BCAS3: variants seen among roughly 807,000 people sequenced by gnomAD.
The protein encoded by BCAS3 is BCAS4/BCAS3 fusion.
A neutral mutation model predicts 116.1 loss-of-function variants in BCAS3; 53 were observed. That is an observed-to-expected ratio of 0.46 (90% CI 0.37 to 0.57). BCAS3 has a LOEUF of 0.57. Ranked by LOEUF, BCAS3 falls within the 20% of genes least tolerant of loss-of-function variation. BCAS3 has a pLI of 0.00. For synonymous variants in BCAS3, 391 were observed against 408.2 expected (o/e 0.96, Z 0.51); for missense variants, 917 against 1,165.4 (o/e 0.79, Z 3.10).
At chr17:60,804,793 T>G (rs1032205853) in intron 6 of BCAS3, among the ~76,000 whole-genome samples, 6 of 152,132 alleles carry the variant, frequency 3.9e-5, no homozygotes, top group Non-Finnish European at 8.8e-5. Context: ...TGTGAGAAAA[T>G]TTAATCAAAT....
At chr17:60,978,000 C>G (rs866317781) in intron 14 of BCAS3, among the ~76,000 whole-genome samples, 2 of 140,588 alleles carry the variant, frequency 1.4e-5, no homozygotes, top group South Asian at 2.1e-4. Flanking sequence ...GATTTATAGT[C>G]CTTTGGGTAT....
chr17:60,731,527 C>T lies in BCAS3; in HGVS notation c.322-15671C>T, dbSNP rs2040453850. ...TTAATGTGTATATTTAAATGGGTTA[C>T]GTGAGGTGTTTTTGTTGCTTTAGGA... is the stretch of plus-strand genomic sequence containing the variant. On this transcript the variant is annotated intron_variant, in intron 5 of 23. Transcript: ENST00000407086. 2.0e-5 allele frequency among the ~76,000 whole-genome samples: 3 copies of T among 151,992 alleles called. 1 individual carries two copies. The highest frequency in any genetic ancestry group is 4.8e-5 in the African/African-American group (2 of 41,400).
At chr17:61,288,233 G>A (rs928225458) in intron 22 of BCAS3, among the ~76,000 whole-genome samples, 1 of 152,204 alleles carries the variant, frequency 6.6e-6, no homozygotes, top group Non-Finnish European at 1.5e-5. Context: ...GTCTTTGATG[G>A]CTTGCTGTGC....
rs1369304976 is a variant in BCAS3 at position 61,145,020 on chromosome 17, C to CTG, written c.2425+60458_2425+60459dup. Among the ~76,000 whole-genome samples, 37 of 152,332 alleles carry CTG rather than the reference C, an allele frequency of 2.4e-4. No individual in the cohort carries two copies. Among genetic ancestry groups the CTG allele is most frequent in the African/African-American group, 8.9e-4 (37 of 41,584 alleles). On this transcript the variant is annotated intron_variant, in intron 22 of 23. Transcript: ENST00000407086. This position sits in a 1 kb window ranked among gnomAD's most constrained non-coding sequence, Gnocchi z 5.0. ...GAAATATTCATTTAGACCATAACAA[C>CTG]TGTTAGAACAAGATAACAACTCCAG...
rs1294715982 is a variant in BCAS3, at chr17:61,382,260, T to C, written c.2594-9717T>C. Among the ~76,000 whole-genome samples, 11 of 122,356 alleles carry C rather than the reference T, an allele frequency of 9.0e-5. No homozygotes were observed. The East Asian group carries it at 2.5e-3, about 28-fold the overall frequency. 80.3% of individuals were successfully genotyped at this position (122,356 alleles called of 152,430 possible). On this transcript the variant is annotated intron_variant, in intron 23 of 23. Transcript: ENST00000407086. ...GGAGAATCAGTTTTTGTTTTTTGGC[T>C]TTTTTTTTTCTTTTTTTGAGACAGA... is the stretch of plus-strand genomic sequence containing the variant.
chr17:60,814,310 C>CGCGCGT (rs1555731519), intron 7 of BCAS3, among the ~76,000 whole-genome samples: 64 of 135,726 alleles, frequency 4.7e-4, no homozygotes, highest in African/African-American at 2.0e-3. Context: ...TGTGTGTGCG[C>CGCGCGT]GCGTGCCCAT....
In BCAS3 at chr17:60,848,575, T is replaced by C. The variant is rs187204060; in HGVS notation, c.477-20001T>C. The stretch of plus-strand genomic sequence containing the variant: ...TTTGCGTAGATCTTTCAGTACAGTG[T>C]TGAATAATAGTGGGCATCCTTGTCT... On this transcript the variant is annotated intron_variant, in intron 7 of 23. Coordinates refer to ENST00000407086, the MANE Select transcript of BCAS3 (RefSeq NM_017679.5). Among the ~76,000 whole-genome samples, 255 of 152,328 alleles carry C rather than the reference T, an allele frequency of 1.7e-3. 1 individual carries two copies. Among genetic ancestry groups the C allele is most frequent in the African/African-American group, 5.8e-3 (242 of 41,566 alleles).
chr17:61,012,043 C>A lies in BCAS3; in HGVS notation c.1487-3708C>A, dbSNP rs2065148582. The stretch of plus-strand genomic sequence containing the variant: ...TCCTTTATGCTCAAAATTTGTATAC[C>A]TTTTCTCCCTTTTTAAGTTGTCCTT... On this transcript the variant is annotated intron_variant, in intron 15 of 23. Coordinates refer to ENST00000407086, the MANE Select transcript of BCAS3 (RefSeq NM_017679.5). The surrounding 1 kb of genome is among the most constrained non-coding windows in gnomAD (Gnocchi z 4.5). 6.6e-6 allele frequency among the ~76,000 whole-genome samples: 1 copy of A among 151,848 alleles called. No homozygotes were observed. The highest frequency in any genetic ancestry group is 6.6e-5 in the Admixed American group (1 of 15,204).
intron 16 of BCAS3, among the ~76,000 whole-genome samples, chr17:61,024,343 CA>C (rs1387911920): frequency 6.6e-6 from 1 of 152,046 alleles, no homozygotes; most frequent in Non-Finnish European, 1.5e-5. Context: ...TTATACATGC[CA>C]ATTGTACATG....
At chr17:61,268,837 C>T (rs1395782307) in intron 22 of BCAS3, among the ~76,000 whole-genome samples, 3 of 152,140 alleles carry the variant, frequency 2.0e-5, no homozygotes, top group African/African-American at 7.2e-5. Flanking sequence ...GGATTACAGG[C>T]GTGAGCCACC....
chr17:60,790,740 GTTTT>G (rs541425777), intron 6 of BCAS3, among the ~76,000 whole-genome samples: 3 of 118,964 alleles, frequency 2.5e-5, no homozygotes, highest in African/African-American at 3.5e-5. Context: ...GTGTTTGTAG[GTTTT>G]TTTTTTTTTT....
rs1007266839 is a variant in BCAS3, at chr17:61,285,953, G to A, written c.2426-82374G>A. 6.6e-6 allele frequency among the ~76,000 whole-genome samples: 1 copy of A among 152,168 alleles called. No homozygotes were observed. The highest frequency in any genetic ancestry group is 1.5e-5 in the Non-Finnish European group (1 of 68,030). ...ACACACTCAAGTTACGTGAATACAT[G>A]AATATTGCAGTTTGTCTTGTGAAAC... On this transcript the variant is annotated intron_variant, in intron 22 of 23. Coordinates refer to ENST00000407086, the MANE Select transcript of BCAS3 (RefSeq NM_017679.5). This position sits in a 1 kb window ranked among gnomAD's most constrained non-coding sequence, Gnocchi z 5.4.
chr17:60,874,742 T>G lies in BCAS3; in HGVS notation c.661+4T>G. 1 of 1,602,614 alleles carries G rather than the reference T, an allele frequency of 6.2e-7. No individual in the cohort carries two copies. Among genetic ancestry groups the G allele is most frequent in the Non-Finnish European group, 8.5e-7 (1 of 1,172,604 alleles). On this transcript the variant is annotated splice_donor_region_variant and intron_variant, in intron 9 of 23. Coordinates refer to ENST00000407086, the MANE Select transcript of BCAS3 (RefSeq NM_017679.5). ...ACGAAGAAATTCTTTGTTACAAGTA[T>G]GTACCAATTTTTTTTCCCTTCTTAT...
chr17:61,111,195 G>T (rs1023600389), intron 22 of BCAS3, among the ~76,000 whole-genome samples: 19 of 151,980 alleles, frequency 1.3e-4, no homozygotes, highest in Non-Finnish European at 2.6e-4. Flanking sequence ...TCCTCCAAAG[G>T]AACGCAGTTC....
intron 13 of BCAS3, among the ~76,000 whole-genome samples, chr17:60,932,276 C>G (rs1283125248): frequency 2.0e-5 from 3 of 152,070 alleles, no homozygotes; most frequent in African/African-American, 7.2e-5. Context: ...GTAGCTTTCA[C>G]ATACTTGATA....
intron 7 of BCAS3, among the ~76,000 whole-genome samples, chr17:60,849,738 C>A (rs536312930): frequency 7.2e-5 from 11 of 152,102 alleles, no homozygotes; most frequent in African/African-American, 2.7e-4. Context: ...GTACAGTGGT[C>A]TTCTTTCTTC....
chr17:61,288,866 G>A (rs951829597), intron 22 of BCAS3, among the ~76,000 whole-genome samples: 1 of 152,218 alleles, frequency 6.6e-6, no homozygotes, highest in African/African-American at 2.4e-5. Flanking sequence ...AGGTACCTTG[G>A]TATTCAAAAA....
intron 4 of BCAS3, among the ~76,000 whole-genome samples, chr17:60,699,478 C>A (rs148767735): frequency 1.0e-3 from 159 of 152,314 alleles, no homozygotes; most frequent in African/African-American, 3.6e-3. Flanking sequence ...ACCTCAGCCT[C>A]CCAAAGTGTT....
chr17:60,850,475 C>T (rs1011772588), intron 7 of BCAS3, among the ~76,000 whole-genome samples: 4 of 148,038 alleles, frequency 2.7e-5, no homozygotes, highest in African/African-American at 1.0e-4. Context: ...TCTTCTGTCT[C>T]AGCCTCCTGA....
Sources: gnomAD v4.1 joint callset for allele counts (sites outside exome capture counted in the v4.1 genomes callset) on GRCh38, gnomAD v4.1.1 for gene constraint, Gnocchi (gnomAD v3.1) non-coding constraint, MANE v1.5 for transcripts, NCBI Gene and HGNC (gene_info 2026-07-23, HGNC 2026-07-21) for gene names.